ELOVL5: variants seen among roughly 807,000 people sequenced by gnomAD.
ELOVL5 encodes ELOVL fatty acid elongase 5.
Under a neutral mutation model 38.6 loss-of-function variants are expected in ELOVL5, and 8 were observed. The observed-to-expected ratio is 0.21, with a 90% CI of 0.12 to 0.37. The LOEUF is 0.37. Among genes scored for constraint, ELOVL5 ranks in the 10% least tolerant of loss-of-function variants. ELOVL5 has a pLI of 1.00. For synonymous variants in ELOVL5, 127 were observed against 133.7 expected, an observed-to-expected ratio of 0.95 and a Z score of 0.34; for missense variants, 280 against 367.8, an observed-to-expected ratio of 0.76 and a Z score of 1.95.
intron 2 of ELOVL5, chr6:53,294,302 G>T: frequency 6.4e-7 from 1 of 1,569,852 alleles, no homozygotes; most frequent in Non-Finnish European, 8.6e-7. Flanking sequence ...GGCATGTGAA[G>T]CAATTGTGGC....
At chr6:53,313,465 A>C (rs1199920447) in intron 1 of ELOVL5, among the ~76,000 whole-genome samples, 1 of 152,080 alleles carries the variant, frequency 6.6e-6, no homozygotes, top group Non-Finnish European at 1.5e-5. Flanking sequence ...GGCTCTTGCA[A>C]TCCTCCCACC....
intron 1 of ELOVL5, among the ~76,000 whole-genome samples, chr6:53,308,821 A>C (rs1371750398): frequency 7.0e-6 from 1 of 142,812 alleles, no homozygotes; most frequent in African/African-American, 2.6e-5. Flanking sequence ...TTTTTATTCC[A>C]ACAAATTCTG....
At chr6:53,296,099 A>G (rs1172161797) in intron 1 of ELOVL5, among the ~76,000 whole-genome samples, 2 of 152,180 alleles carry the variant, frequency 1.3e-5, no homozygotes, top group Non-Finnish European at 2.9e-5. Flanking sequence ...GAAGAGCCAT[A>G]TCAGGGAACA....
chr6:53,329,037 A>AT (rs1768671333), intron 1 of ELOVL5, among the ~76,000 whole-genome samples: 1 of 152,258 alleles, frequency 6.6e-6, no homozygotes, highest in Non-Finnish European at 1.5e-5. Flanking sequence ...AAGGTGACAC[A>AT]CATAGAGCCT....
intron 1 of ELOVL5, among the ~76,000 whole-genome samples, chr6:53,300,951 T>C (rs1561875052): frequency 6.6e-6 from 1 of 152,110 alleles, no homozygotes; most frequent in Non-Finnish European, 1.5e-5. Context: ...CTGAGCCTCA[T>C]CTGCTATGCC....
intron 1 of ELOVL5, among the ~76,000 whole-genome samples, chr6:53,327,695 T>C (rs749916626): frequency 5.3e-5 from 8 of 152,216 alleles, no homozygotes; most frequent in African/African-American, 9.6e-5. Context: ...TACACTTCAA[T>C]TGAAAAATTT....
chr6:53,339,136 A>C (rs1313096730), intron 1 of ELOVL5, among the ~76,000 whole-genome samples: 1 of 152,206 alleles, frequency 6.6e-6, no homozygotes, highest in East Asian at 1.9e-4. Flanking sequence ...AATGGGGGAA[A>C]ATCCTGCTAC....
intron 1 of ELOVL5, among the ~76,000 whole-genome samples, chr6:53,305,295 A>ACCTC: frequency 1.2e-5 from 1 of 82,126 alleles, no homozygotes; most frequent in Non-Finnish European, 2.3e-5. Flanking sequence ...GGCGCCCCTC[A>ACCTC]CCTCCCGGAC....
At chr6:53,308,855 T>G (rs1581962507) in intron 1 of ELOVL5, among the ~76,000 whole-genome samples, 2 of 123,106 alleles carry the variant, frequency 1.6e-5, no homozygotes, top group East Asian at 5.4e-4. Context: ...TTTCCTCTAA[T>G]TCCACCAGCT....
chr6:53,315,399 G>C (rs192518306), intron 1 of ELOVL5, among the ~76,000 whole-genome samples: 1 of 152,050 alleles, frequency 6.6e-6, no homozygotes, highest in East Asian at 1.9e-4. Flanking sequence ...ACAAACCTTC[G>C]GTCCATAACA....
intron 1 of ELOVL5, among the ~76,000 whole-genome samples, chr6:53,326,713 T>C (rs1041966495): frequency 7.9e-5 from 12 of 152,210 alleles, no homozygotes; most frequent in African/African-American, 2.9e-4. Context: ...TGAGGCGTTA[T>C]GTATCTGTGG....
At position 53,291,906 on chromosome 6, in the gene ELOVL5, G is replaced by C. The variant is rs749260732; in HGVS notation, c.116C>G (p.Ser39Cys). 8.1e-6 allele frequency: 13 copies of C among 1,611,002 alleles called. No homozygotes were observed. Among genetic ancestry groups the C allele is most frequent in the East Asian group, 2.2e-5 (1 of 44,810 alleles). Residue 39 changes from serine to cysteine, a missense_variant, in exon 3 of 8, where the codon TCT (serine) becomes TGT (cysteine). Ser to Cys is a moderately radical substitution (Grantham distance 112, BLOSUM62 -1). Around this residue, in one of 3 missense-constraint regions of ELOVL5, gnomAD observed 150 missense variants for 178.0 expected, o/e 0.84. Transcript: ENST00000304434. ...LDNYIPTFIC[S>C]VIYLLIVWLG... ...CCATACAATTAGTAAATATATGACA[G>C]AGCAGATAAATGTGGGTATATAATT...
chr6:53,323,685 C>T (rs1454502151), intron 1 of ELOVL5, among the ~76,000 whole-genome samples: 2 of 141,768 alleles, frequency 1.4e-5, no homozygotes, highest in Admixed American at 7.7e-5. Flanking sequence ...CGAGTTCAAG[C>T]GATTCTCCTG....
At chr6:53,318,316 T>A (rs1768141449) in intron 1 of ELOVL5, among the ~76,000 whole-genome samples, 1 of 152,188 alleles carries the variant, frequency 6.6e-6, no homozygotes, top group Non-Finnish European at 1.5e-5. Flanking sequence ...AGTGGAGTGA[T>A]CCTGGGCGAG....
chr6:53,308,367 C>T (rs560022105), intron 1 of ELOVL5, among the ~76,000 whole-genome samples: 29 of 152,192 alleles, frequency 1.9e-4, no homozygotes, highest in Non-Finnish European at 3.8e-4. Flanking sequence ...AGCTCTTCAA[C>T]GGCAGAACCT....
chr6:53,285,635 G>T (rs766496006), intron 3 of ELOVL5, among the ~76,000 whole-genome samples: 17 of 152,124 alleles, frequency 1.1e-4, no homozygotes, highest in Non-Finnish European at 2.4e-4. Context: ...TATAAATAGG[G>T]TTTTACTCTG....
chr6:53,289,417 C>T lies in ELOVL5; in HGVS notation c.246+2359G>A, dbSNP rs115110845. ...CTTAGCATTCAATGGAGTAGAAATG[C>T]TAAGTATAAAAAGAAAAATGGCCGG... is the stretch of plus-strand genomic sequence containing the variant. On this transcript the variant is annotated intron_variant, in intron 3 of 7. Coordinates refer to ENST00000304434, the MANE Select transcript of ELOVL5 (RefSeq NM_021814.5). 4.1e-3 allele frequency among the ~76,000 whole-genome samples: 621 copies of T among 152,220 alleles called. 3 individuals carry two copies. The highest frequency in any genetic ancestry group is 0.014 in the African/African-American group (580 of 41,538).
chr6:53,287,087 AAAGAT>A (rs900021741), intron 3 of ELOVL5, among the ~76,000 whole-genome samples: 3 of 152,358 alleles, frequency 2.0e-5, no homozygotes, highest in Non-Finnish European at 2.9e-5. Context: ...AAAGGGGAAG[AAAGAT>A]AAGTTTGGAT....
In ELOVL5 at chr6:53,267,569, T is replaced by C. The variant is rs748109188; in HGVS notation, c.*1558A>G. 1.3e-5 allele frequency: 2 copies of C among 152,676 alleles called. No homozygotes were observed. The highest frequency in any genetic ancestry group is 2.9e-5 in the Non-Finnish European group (2 of 68,044). 9.5% of individuals were successfully genotyped at this position (152,676 alleles called of 1,614,324 possible). ...ACCTAGCAATGAAGACATACATTTA[T>C]AAATATACACATTCTAGGTTTGATA... On this transcript the variant is annotated 3_prime_UTR_variant, in exon 8 of 8. Coordinates refer to ENST00000304434, the MANE Select transcript of ELOVL5 (RefSeq NM_021814.5).
Sources: gnomAD v4.1 joint callset for allele counts (sites outside exome capture counted in the v4.1 genomes callset) on GRCh38, gnomAD v4.1.1 for gene constraint, gnomAD v4.1.1 regional missense constraint, MANE v1.5 for transcripts, NCBI Gene and HGNC (gene_info 2026-07-23, HGNC 2026-07-21) for gene names.